RETREG1: variants seen among roughly 807,000 people sequenced by gnomAD.
The protein encoded by RETREG1 is reticulophagy regulator 1.
A neutral mutation model predicts 54.8 loss-of-function variants in RETREG1; 44 were observed. The observed-to-expected ratio is 0.80, with a 90% CI of 0.63 to 1.03. The LOEUF is 1.03. RETREG1 is among the 50% of genes least tolerant of loss of function. RETREG1 has a pLI of 0.00. For missense variants in RETREG1, 554 were observed against 605.1 expected (o/e 0.92, Z 0.89); for synonymous variants, 217 against 238.5 (o/e 0.91, Z 0.83).
At chr5:16,492,060 A>G (rs560108503) in intron 3 of RETREG1, among the ~76,000 whole-genome samples, 2 of 152,286 alleles carry the variant, frequency 1.3e-5, no homozygotes, top group South Asian at 4.1e-4. Context: ...TGATACCAGT[A>G]GAGAACAGAA....
At chr5:16,516,438 C>A (rs6888052) in intron 3 of RETREG1, among the ~76,000 whole-genome samples, 32,202 of 152,116 alleles carry the variant, frequency 0.21, 3,618 homozygotes, top group Middle Eastern at 0.26. Flanking sequence ...ACAGCACAAC[C>A]GAATCTCCAG....
intron 1 of RETREG1, among the ~76,000 whole-genome samples, chr5:16,588,932 G>C (rs181013457): frequency 1.1e-4 from 17 of 152,284 alleles, no homozygotes; most frequent in African/African-American, 4.1e-4. Context: ...GTCATCCTCT[G>C]GGGGCCACTT....
chr5:16,570,245 T>A (rs907239551), intron 2 of RETREG1, among the ~76,000 whole-genome samples: 4 of 152,240 alleles, frequency 2.6e-5, no homozygotes, highest in Non-Finnish European at 5.9e-5. Flanking sequence ...TTAATTTTTT[T>A]AAAGGACTGA....
chr5:16,595,935 A>C (rs1037765708), intron 1 of RETREG1, among the ~76,000 whole-genome samples: 2 of 152,146 alleles, frequency 1.3e-5, no homozygotes, highest in Non-Finnish European at 2.9e-5. Flanking sequence ...GCAAAATATA[A>C]TTAGTGATTC....
intron 3 of RETREG1, among the ~76,000 whole-genome samples, chr5:16,554,835 G>T (rs1339649528): frequency 6.6e-6 from 1 of 152,116 alleles, no homozygotes; most frequent in Non-Finnish European, 1.5e-5. Flanking sequence ...AAACTTACTG[G>T]TATAACACAA....
chr5:16,508,755 T>C, intron 3 of RETREG1: 1 of 1,509,744 alleles, frequency 6.6e-7, no homozygotes, highest in South Asian at 1.3e-5. Context: ...CTTTCCTTTT[T>C]GGAAAAAAAG....
chr5:16,582,002 C>T (rs1367368961), intron 1 of RETREG1, among the ~76,000 whole-genome samples: 5 of 152,140 alleles, frequency 3.3e-5, no homozygotes, highest in Non-Finnish European at 7.3e-5. Flanking sequence ...CAACTTTTAT[C>T]TGAAAAGCGT....
chr5:16,525,402 A>T (rs1740684421), intron 3 of RETREG1, among the ~76,000 whole-genome samples: 1 of 152,128 alleles, frequency 6.6e-6, no homozygotes, highest in South Asian at 2.1e-4. Context: ...CCCGCCACGA[A>T]AGTGCAGCTG....
chr5:16,501,074 T>C (rs1174003421), intron 3 of RETREG1, among the ~76,000 whole-genome samples: 1 of 152,198 alleles, frequency 6.6e-6, no homozygotes, highest in Admixed American at 6.5e-5. Context: ...TATTTTGTAT[T>C]GCTTAAGGAA....
intron 3 of RETREG1, among the ~76,000 whole-genome samples, chr5:16,508,122 G>T (rs957328541): frequency 2.0e-5 from 3 of 152,188 alleles, no homozygotes; most frequent in African/African-American, 7.2e-5. Context: ...AGGAACTGTG[G>T]TTTTAAAAAG....
intron 8 of RETREG1, among the ~76,000 whole-genome samples, chr5:16,477,409 T>TATAA (rs1187593735): frequency 1.3e-5 from 2 of 152,184 alleles, no homozygotes; most frequent in African/African-American, 4.8e-5. Flanking sequence ...TCCCTTTATA[T>TATAA]GGACCTGCTT....
At chr5:16,551,345 T>G (rs1441524549) in intron 3 of RETREG1, among the ~76,000 whole-genome samples, 1 of 152,176 alleles carries the variant, frequency 6.6e-6, no homozygotes, top group Non-Finnish European at 1.5e-5. Context: ...AAAAACATTT[T>G]TATACAATCC....
At chr5:16,603,162 G>A (rs943664274) in intron 1 of RETREG1, among the ~76,000 whole-genome samples, 2 of 152,190 alleles carry the variant, frequency 1.3e-5, no homozygotes, top group African/African-American at 4.8e-5. Flanking sequence ...TAAAAACCCA[G>A]TGGAATTAAT....
At chr5:16,476,230 C>T (rs1158495148) in intron 8 of RETREG1, among the ~76,000 whole-genome samples, 2 of 152,126 alleles carry the variant, frequency 1.3e-5, no homozygotes, top group Non-Finnish European at 2.9e-5. Context: ...GGGTCTTCCA[C>T]CTTCCAAACC....
chr5:16,536,291 T>C (rs1389408897), intron 3 of RETREG1, among the ~76,000 whole-genome samples: 1 of 151,890 alleles, frequency 6.6e-6, no homozygotes, highest in Admixed American at 6.6e-5. Flanking sequence ...TTCCTAGAGG[T>C]GGCCTTGAAA....
intron 1 of RETREG1, among the ~76,000 whole-genome samples, chr5:16,592,694 C>A (rs1031781680): frequency 6.7e-6 from 1 of 149,612 alleles, no homozygotes; most frequent in African/African-American, 2.4e-5. Context: ...GGTACATATA[C>A]GCCCTAGGAT....
At chr5:16,549,564 A>C (rs1243017780) in intron 3 of RETREG1, among the ~76,000 whole-genome samples, 1 of 152,194 alleles carries the variant, frequency 6.6e-6, no homozygotes, top group Non-Finnish European at 1.5e-5. Flanking sequence ...TTTCTGTTCC[A>C]TTTAGACATT....
intron 3 of RETREG1, among the ~76,000 whole-genome samples, chr5:16,507,840 T>C (rs915079805): frequency 1.3e-5 from 2 of 152,238 alleles, no homozygotes; most frequent in Admixed American, 6.5e-5. Context: ...TTTAATAATG[T>C]TCTGTCTACT....
chr5:16,562,089 G>A (rs1741869763), intron 3 of RETREG1, among the ~76,000 whole-genome samples: 1 of 152,174 alleles, frequency 6.6e-6, no homozygotes, highest in Admixed American at 6.5e-5. Context: ...CCAAAGGCAG[G>A]CAGATCACCT....
Sources: gnomAD v4.1 joint callset for allele counts (sites outside exome capture counted in the v4.1 genomes callset) on GRCh38, gnomAD v4.1.1 for gene constraint, MANE v1.5 for transcripts, NCBI Gene and HGNC (gene_info 2026-07-23, HGNC 2026-07-21) for gene names.